FCHSD2: variants seen among roughly 807,000 people sequenced by gnomAD.
FCHSD2 encodes F-BAR and double SH3 domains protein 2.
FCHSD2 carries 38 observed loss-of-function variants against 108.1 expected under a neutral mutation model. The ratio of observed to expected loss-of-function variants is 0.35; its 90% CI spans 0.27 to 0.46. The LOEUF (loss-of-function observed/expected upper bound fraction) is 0.46, where lower values mean the gene tolerates loss of function less well. Ranked by LOEUF, FCHSD2 falls within the 20% of genes least tolerant of loss-of-function variation. FCHSD2 has a pLI of 1.00. For missense variants in FCHSD2, 751 were observed against 897.8 expected, an observed-to-expected ratio of 0.84 and a Z score of 2.09; for synonymous variants, 279 against 314.7, an observed-to-expected ratio of 0.89 and a Z score of 1.20.
chr11:72,966,609 C>A (rs1856911759), intron 8 of FCHSD2, among the ~76,000 whole-genome samples: 2 of 152,110 alleles, frequency 1.3e-5, no homozygotes, highest in South Asian at 2.1e-4. Context: ...ATGATGCAAA[C>A]AGATTCCTGC....
chr11:72,940,119 T>A (rs552482245), intron 8 of FCHSD2, among the ~76,000 whole-genome samples: 1 of 152,166 alleles, frequency 6.6e-6, no homozygotes, highest in Admixed American at 6.5e-5. Flanking sequence ...TCTAATTCCA[T>A]AGAAGCAGGA....
intron 12 of FCHSD2, among the ~76,000 whole-genome samples, chr11:72,873,412 CT>C (rs1854904512): frequency 6.6e-6 from 1 of 151,602 alleles, no homozygotes; most frequent in African/African-American, 2.4e-5. Flanking sequence ...TATTCAGACC[CT>C]TTTCCCATTT....
intron 9 of FCHSD2, 31 bp from the exon 10 acceptor site, chr11:72,902,669 T>G: frequency 7.4e-7 from 1 of 1,343,808 alleles, no homozygotes; most frequent in African/African-American, 1.5e-5. Context: ...CTTTAGGTCT[T>G]TAATGAGGTT....
chr11:72,980,171 T>A (rs139419717), intron 8 of FCHSD2, among the ~76,000 whole-genome samples: 167 of 152,260 alleles, frequency 1.1e-3, no homozygotes, highest in Non-Finnish European at 2.1e-3. Context: ...ACCCACTTGC[T>A]AAGCATAAAA....
chr11:72,878,301 A>C (rs1855011694), intron 12 of FCHSD2, among the ~76,000 whole-genome samples: 1 of 152,226 alleles, frequency 6.6e-6, no homozygotes, highest in Non-Finnish European at 1.5e-5. Flanking sequence ...AAAAATAAGT[A>C]AAATCCCTCT....
chr11:72,964,726 A>G (rs1159707404), intron 8 of FCHSD2, among the ~76,000 whole-genome samples: 1 of 151,880 alleles, frequency 6.6e-6, no homozygotes, highest in Non-Finnish European at 1.5e-5. Context: ...TCTTGCTATT[A>G]GTATCTGCCT....
chr11:73,055,084 G>C (rs966490881), intron 3 of FCHSD2, among the ~76,000 whole-genome samples: 1 of 152,176 alleles, frequency 6.6e-6, no homozygotes, highest in Admixed American at 6.5e-5. Flanking sequence ...CGGTAGGCAA[G>C]AGAATGAGTG....
chr11:73,032,471 C>T (rs1164821348), intron 3 of FCHSD2, among the ~76,000 whole-genome samples: 1 of 152,038 alleles, frequency 6.6e-6, no homozygotes, highest in African/African-American at 2.4e-5. Context: ...AGTGATTCTC[C>T]CGACTTGGCA....
At chr11:73,048,605 C>T (rs547822299) in intron 3 of FCHSD2, among the ~76,000 whole-genome samples, 1 of 152,264 alleles carries the variant, frequency 6.6e-6, no homozygotes, top group East Asian at 1.9e-4. Flanking sequence ...AAGTAGTTAC[C>T]TGGGGCAAGT....
At chr11:73,140,267 T>A (rs1353134468) in intron 1 of FCHSD2, 139 bp from the exon 2 acceptor site, 1 of 530,596 alleles carries the variant, frequency 1.9e-6, no homozygotes, top group African/African-American at 1.9e-5. Flanking sequence ...CGCCATCTAG[T>A]TTTATTTATT....
At chr11:73,108,507 A>G (rs2135541946) in intron 2 of FCHSD2, among the ~76,000 whole-genome samples, 1 of 152,254 alleles carries the variant, frequency 6.6e-6, no homozygotes, top group Middle Eastern at 3.4e-3. Flanking sequence ...AGGTTACCTA[A>G]TGTTTTCTTT....
chr11:73,087,098 G>A (rs896021274), intron 2 of FCHSD2, among the ~76,000 whole-genome samples: 2 of 152,160 alleles, frequency 1.3e-5, no homozygotes, highest in Non-Finnish European at 2.9e-5. Context: ...TACTGCCCCT[G>A]AAGACCTCCT....
chr11:72,986,767 TGATA>T (rs1480982491), intron 6 of FCHSD2, among the ~76,000 whole-genome samples: 2 of 152,202 alleles, frequency 1.3e-5, no homozygotes, highest in South Asian at 2.1e-4. Flanking sequence ...TAGGTATTAG[TGATA>T]GATAGAATAA....
At chr11:73,065,084 G>T (rs558660572) in intron 3 of FCHSD2, among the ~76,000 whole-genome samples, 8 of 152,160 alleles carry the variant, frequency 5.3e-5, no homozygotes, top group African/African-American at 1.9e-4. Context: ...ATATCCCTGA[G>T]GAACATCAAT....
intron 4 of FCHSD2, among the ~76,000 whole-genome samples, chr11:73,003,488 ATTTT>A (rs574233006): frequency 7.2e-6 from 1 of 139,348 alleles, no homozygotes. Context: ...TCATAGAGTG[ATTTT>A]TTTTTTTTTT....
At chr11:73,000,084 C>T (rs1293063823) in intron 5 of FCHSD2, among the ~76,000 whole-genome samples, 1 of 152,108 alleles carries the variant, frequency 6.6e-6, no homozygotes, top group Admixed American at 6.6e-5. Context: ...GACACATATA[C>T]ATCTAACATA....
chr11:73,126,369 A>AAAAAAAAC (rs1860858811), intron 2 of FCHSD2, among the ~76,000 whole-genome samples: 1 of 147,910 alleles, frequency 6.8e-6, no homozygotes, highest in Admixed American at 6.7e-5. Context: ...AAAAAAAAAA[A>AAAAAAAAC]ATTCCACAAT....
chr11:73,081,238 A>G (rs954020879), intron 3 of FCHSD2, among the ~76,000 whole-genome samples: 3 of 152,124 alleles, frequency 2.0e-5, no homozygotes, highest in Non-Finnish European at 4.4e-5. Flanking sequence ...GATCGAGATC[A>G]TCTTGCCCAC....
Position 72,902,737 on chromosome 11 carries a change from G to A in FCHSD2, c.829-99C>T, listed in dbSNP as rs185079300. 3.2e-4 allele frequency: 219 copies of A among 681,708 alleles called. 1 individual carries two copies. The East Asian group carries it at 6.2e-3, about 19-fold the overall frequency. The allele number at this position is 681,708 out of a possible 1,614,324, so 42.2% of individuals were successfully genotyped here. ...TTATTCTGCTATTTTCTATACAAAT[G>A]AGAAATCATCCAACACTGTGGTAAA... is the stretch of plus-strand genomic sequence containing the variant. On this transcript the variant is annotated intron_variant, in intron 9 of 19. Transcript: ENST00000409418.
Sources: gnomAD v4.1 joint callset for allele counts (sites outside exome capture counted in the v4.1 genomes callset) on GRCh38, gnomAD v4.1.1 for gene constraint, MANE v1.5 for transcripts, NCBI Gene and HGNC (gene_info 2026-07-23, HGNC 2026-07-21) for gene names.